RAP1GAP2: variants seen among roughly 807,000 people sequenced by gnomAD.
RAP1GAP2 encodes the protein rap1 GTPase-activating protein 2.
RAP1GAP2 carries 27 observed loss-of-function variants against 95.0 expected under a neutral mutation model. The ratio of observed to expected loss-of-function variants is 0.28; its 90% CI spans 0.21 to 0.39. The LOEUF is 0.39. Among genes scored for constraint, RAP1GAP2 ranks in the 10% least tolerant of loss-of-function variants. The pLI is 1.00. For missense variants in RAP1GAP2, 771 were observed against 970.0 expected (o/e 0.79, Z 2.72); for synonymous variants, 373 against 380.9 (o/e 0.98, Z 0.24).
At chr17:2,785,214 A>G (rs1192533906) in intron 1 of RAP1GAP2, among the ~76,000 whole-genome samples, 3 of 152,062 alleles carry the variant, frequency 2.0e-5, no homozygotes, top group Non-Finnish European at 2.9e-5. Context: ...CGCAGCCCTC[A>G]TTTAGGGCCT....
chr17:3,009,317 T>A (rs1004019101), intron 17 of RAP1GAP2, among the ~76,000 whole-genome samples: 3 of 152,216 alleles, frequency 2.0e-5, no homozygotes, highest in African/African-American at 7.2e-5. Context: ...TTCACACACA[T>A]TATCCCACCT....
intron 3 of RAP1GAP2, 129 bp from the exon 4 acceptor site, chr17:2,957,630 T>C: frequency 9.4e-7 from 1 of 1,067,928 alleles, no homozygotes; most frequent in Non-Finnish European, 1.4e-6. Flanking sequence ...TCTTCTCTGT[T>C]GATCCAAATG....
chr17:2,838,016 C>CTTTTTTTTTTTTTTT (rs71153304), intron 2 of RAP1GAP2, among the ~76,000 whole-genome samples: 1 of 94,442 alleles, frequency 1.1e-5, no homozygotes, highest in Non-Finnish European at 1.9e-5. Context: ...TTCTTTTTTC[C>CTTTTTTTTTTTTTTT]TTTTTTTTTT....
chr17:2,924,870 G>C (rs779704984), intron 3 of RAP1GAP2, among the ~76,000 whole-genome samples: 1 of 152,208 alleles, frequency 6.6e-6, no homozygotes, highest in Non-Finnish European at 1.5e-5. Flanking sequence ...TCTTTCTAGA[G>C]CTCTTTCCTC....
At chr17:2,982,288 G>A (rs1350813096) in intron 10 of RAP1GAP2, among the ~76,000 whole-genome samples, 2 of 152,144 alleles carry the variant, frequency 1.3e-5, no homozygotes, top group Non-Finnish European at 1.5e-5. Flanking sequence ...ACAGGTGTGC[G>A]CCACCATGCC....
At chr17:2,791,722 C>T (rs1044214037), upstream of RAP1GAP2, among the ~76,000 whole-genome samples, 2 of 152,172 alleles carry the variant, frequency 1.3e-5, no homozygotes, top group South Asian at 2.1e-4. Flanking sequence ...GCTGCCCTGG[C>T]TCTCTTGTGC....
At chr17:2,832,868 C>T (rs1213677288) in intron 2 of RAP1GAP2, among the ~76,000 whole-genome samples, 2 of 151,372 alleles carry the variant, frequency 1.3e-5, no homozygotes, top group East Asian at 2.0e-4. Context: ...CCCAGCTACT[C>T]GGTGGGGGGC....
chr17:2,959,094 A>G (rs1252980774), intron 4 of RAP1GAP2, among the ~76,000 whole-genome samples: 1 of 152,088 alleles, frequency 6.6e-6, no homozygotes, highest in Non-Finnish European at 1.5e-5. Flanking sequence ...GCCTCTAGTC[A>G]GTGGGATCCT....
chr17:2,858,305 CAG>C (rs751363910), intron 2 of RAP1GAP2, among the ~76,000 whole-genome samples: 92 of 152,234 alleles, frequency 6.0e-4, no homozygotes, highest in Non-Finnish European at 4.1e-4. Context: ...GGCAGGCTGT[CAG>C]GGGAGAGCTC....
In RAP1GAP2 at chr17:3,018,218, G is replaced by A. The variant is rs1053302827; in HGVS notation, c.1632+20G>A. On this transcript the variant is annotated intron_variant, in intron 18 of 24. Transcript: ENST00000254695. Reference sequence around the variant, plus strand: ...TTCTCGGTGAGTGCTGGCAGGCCCCGGGGCGGCAAGTGGGTCCCAGGGAGG... The same window carrying A: ...TTCTCGGTGAGTGCTGGCAGGCCCCAGGGCGGCAAGTGGGTCCCAGGGAGG... 13 of 1,544,326 alleles carry A rather than the reference G, an allele frequency of 8.4e-6. No individual in the cohort carries two copies. The highest frequency in any genetic ancestry group is 2.5e-5 in the East Asian group (1 of 40,434).
chr17:2,904,382 G>A lies in RAP1GAP2; in HGVS notation c.81-902G>A, dbSNP rs2042120833. 2.0e-5 allele frequency among the ~76,000 whole-genome samples: 3 copies of A among 152,138 alleles called. No individual in the cohort carries two copies. Among genetic ancestry groups the A allele is most frequent in the Admixed American group, 2.0e-4 (3 of 15,276 alleles). ...GGAAAGTGGGGAGTGTGTGAGCGCG[G>A]CAAACTTGTCGCAGTCATGTTGCCA... On this transcript the variant is annotated intron_variant, in intron 2 of 24. Coordinates refer to ENST00000254695, the MANE Select transcript of RAP1GAP2 (RefSeq NM_015085.5). The surrounding 1 kb of genome is among the most constrained non-coding windows in gnomAD (Gnocchi z 4.7).
In RAP1GAP2 at chr17:2,829,908, T is replaced by G. The variant is rs1283639214; in HGVS notation, c.80+29358T>G. On this transcript the variant is annotated intron_variant, in intron 2 of 24. Coordinates refer to ENST00000254695, the MANE Select transcript of RAP1GAP2 (RefSeq NM_015085.5). ...TTCAAGAGATCCTTCTGCCTCAGTC[T>G]CTCGAGAGGCTGGGATTACAGTTGT... Among the ~76,000 whole-genome samples, 3 of 151,490 alleles carry G rather than the reference T, an allele frequency of 2.0e-5. No individual in the cohort carries two copies. In the East Asian group the frequency reaches 5.8e-4, roughly 29 times the overall value.
upstream of RAP1GAP2, among the ~76,000 whole-genome samples, chr17:2,791,631 C>T (rs1276954069): frequency 6.6e-6 from 1 of 152,146 alleles, no homozygotes; most frequent in East Asian, 1.9e-4. Context: ...GATAACAGGG[C>T]ACCCTCTCAG....
rs988830632 is a variant in RAP1GAP2, at chr17:3,003,145, C to T, written c.1201-2224C>T. ...AAATGGAAGCTGAGAGCTGAACCCA[C>T]TTAAGGCCTGAGGCCACAGAGCCAG... On this transcript the variant is annotated intron_variant, in intron 14 of 24. Coordinates refer to ENST00000254695, the MANE Select transcript of RAP1GAP2 (RefSeq NM_015085.5). This position sits in a 1 kb window ranked among gnomAD's most constrained non-coding sequence, Gnocchi z 4.1. Among the ~76,000 whole-genome samples, 3 of 152,176 alleles carry T rather than the reference C, an allele frequency of 2.0e-5. No individual in the cohort carries two copies. Among genetic ancestry groups the T allele is most frequent in the African/African-American group, 7.2e-5 (3 of 41,430 alleles).
At chr17:2,925,438 G>GAAA (rs2042922820) in intron 3 of RAP1GAP2, among the ~76,000 whole-genome samples, 2 of 152,152 alleles carry the variant, frequency 1.3e-5, no homozygotes, top group Non-Finnish European at 2.9e-5. Context: ...GGAAAGAGAA[G>GAAA]AGCGAAGGAG....
rs1175825274 is a variant in RAP1GAP2 at position 2,827,875 on chromosome 17, A to G, written c.80+27325A>G. On this transcript the variant is annotated intron_variant, in intron 2 of 24. Transcript: ENST00000254695. This position sits in a 1 kb window ranked among gnomAD's most constrained non-coding sequence, Gnocchi z 4.1. ...TCATACACGATCGGTTGCAGCAGGCACGCCAGTGACGGTGGGGGCCCAGGG... is the reference window on the plus strand; with the variant it reads ...TCATACACGATCGGTTGCAGCAGGCGCGCCAGTGACGGTGGGGGCCCAGGG... 6.6e-6 allele frequency among the ~76,000 whole-genome samples: 1 copy of G among 151,844 alleles called. No homozygotes were observed. The highest frequency in any genetic ancestry group is 1.5e-5 in the Non-Finnish European group (1 of 68,004).
At chr17:2,882,996 C>G (rs2073363270) in intron 2 of RAP1GAP2, among the ~76,000 whole-genome samples, 2 of 152,236 alleles carry the variant, frequency 1.3e-5, no homozygotes, top group South Asian at 4.1e-4. Context: ...GGCCCCTCCC[C>G]TGTGGGCCCC....
At chr17:2,924,102 G>T (rs2042878412) in intron 3 of RAP1GAP2, among the ~76,000 whole-genome samples, 1 of 152,204 alleles carries the variant, frequency 6.6e-6, no homozygotes, top group African/African-American at 2.4e-5. Context: ...TTGGGGTAGA[G>T]ATATTAATTT....
At chr17:2,987,020 G>A (rs985806936) in intron 11 of RAP1GAP2, among the ~76,000 whole-genome samples, 3 of 152,186 alleles carry the variant, frequency 2.0e-5, no homozygotes, top group African/African-American at 7.2e-5. Flanking sequence ...AATATTTTTA[G>A]ACTTCATGGG....
Sources: allele counts gnomAD v4.1 joint callset (sites outside exome capture counted in the v4.1 genomes callset), GRCh38; gene constraint gnomAD v4.1.1; non-coding constraint Gnocchi (gnomAD v3.1); transcripts MANE v1.5; gene names NCBI Gene and HGNC (gene_info 2026-07-23, HGNC 2026-07-21).